Variants in CDC40 observed in about 807,000 individuals in gnomAD.
The protein encoded by CDC40 is pre-mRNA-processing factor 17.
A neutral mutation model predicts 80.6 loss-of-function variants in CDC40; 27 were observed. That is an observed-to-expected ratio of 0.33 (90% CI 0.25 to 0.46). The LOEUF (loss-of-function observed/expected upper bound fraction) is 0.46. CDC40 is among the 20% of genes least tolerant of loss of function. The pLI is 1.00. For synonymous variants in CDC40, 221 were observed against 232.6 expected (o/e 0.95, Z 0.45); for missense variants, 486 against 694.1 (o/e 0.70, Z 3.37).
At chr6:110,193,373 C>A in intron 2 of CDC40, 105 bp downstream of exon 2, 1 of 660,970 alleles carries the variant, frequency 1.5e-6, no homozygotes. Flanking sequence ...CATAAGCATA[C>A]TATTTAAGTT....
At chr6:110,197,075 C>T (rs1777427646) in intron 2 of CDC40, among the ~76,000 whole-genome samples, 1 of 152,138 alleles carries the variant, frequency 6.6e-6, no homozygotes, top group Non-Finnish European at 1.5e-5. Context: ...TGCTGACTCA[C>T]CAATACTCTA....
intron 2 of CDC40, among the ~76,000 whole-genome samples, chr6:110,199,844 A>G (rs1159987318): frequency 6.6e-6 from 1 of 152,116 alleles, no homozygotes; most frequent in African/African-American, 2.4e-5. Flanking sequence ...CTGACCAGAA[A>G]TAGCAGATGC....
rs748040538 is a variant in CDC40, at chr6:110,228,972, A to T, written c.1558A>T (p.Met520Leu). The change falls in exon 14 of 15, where the codon ATG becomes TTG. Residue 520 changes from methionine (M) to leucine (L), a missense_variant. This residue lies in a region of CDC40 where 88 missense variants were observed against 138.7 expected (regional missense o/e 0.63). Transcript: ENST00000307731. ...TTGTCAGGTGGACTTTTCACCAGAC[A>T]TGAGGTAAGTTTAAATCTTCTAATC... ...YACQVDFSPD[M>L]SYVISGDGNG... The T allele has an allele frequency of 1.9e-6, 3 of 1,600,320 alleles. No homozygotes were observed. The African/African-American group carries it at 4.1e-5, about 22-fold the overall frequency.
chr6:110,192,194 A>C (rs1207975695), intron 1 of CDC40, among the ~76,000 whole-genome samples: 1 of 152,210 alleles, frequency 6.6e-6, no homozygotes, highest in Non-Finnish European at 1.5e-5. Flanking sequence ...GTAGGTGGTC[A>C]GGGACAGAAA....
In CDC40 at chr6:110,180,440, C is replaced by T. The variant is rs1225770090; in HGVS notation, c.-5C>T. 4 of 1,613,994 alleles carry T rather than the reference C, an allele frequency of 2.5e-6. No individual in the cohort carries two copies. Among genetic ancestry groups the T allele is most frequent in the Non-Finnish European group, 3.4e-6 (4 of 1,179,980 alleles). ...CAGGGTCTCCGCAGAAGATTTGTTGCCGTCATGTCGGCTGCGATTGCAGCT... is the reference window on the plus strand; with the variant it reads ...CAGGGTCTCCGCAGAAGATTTGTTGTCGTCATGTCGGCTGCGATTGCAGCT... On this transcript the variant is annotated 5_prime_UTR_variant, in exon 1 of 15. Transcript: ENST00000307731.
At chr6:110,180,897 G>T (rs1421909010) in intron 1 of CDC40, among the ~76,000 whole-genome samples, 1 of 152,210 alleles carries the variant, frequency 6.6e-6, no homozygotes, top group Admixed American at 6.5e-5. Context: ...GTGGATTAGG[G>T]ACATAGCCTG....
At chr6:110,180,775 A>G in intron 1 of CDC40, 142 bp downstream of exon 1, 2 of 640,548 alleles carry the variant, frequency 3.1e-6, no homozygotes, top group Non-Finnish European at 5.4e-6. Context: ...TCCTTCCCAC[A>G]TGCATCCTCG....
chr6:110,217,351 C>CAA (rs749243958), intron 9 of CDC40, among the ~76,000 whole-genome samples: 4 of 152,196 alleles, frequency 2.6e-5, no homozygotes, highest in Non-Finnish European at 4.4e-5. Context: ...TGGTCTTTTA[C>CAA]ATTTCCATAA....
chr6:110,216,327 G>A (rs1471505202), intron 9 of CDC40, among the ~76,000 whole-genome samples: 1 of 152,134 alleles, frequency 6.6e-6, no homozygotes, highest in African/African-American at 2.4e-5. Context: ...GACTCGTAGT[G>A]GCTCTGTTTT....
intron 1 of CDC40, among the ~76,000 whole-genome samples, chr6:110,190,747 GA>G (rs1233413915): frequency 1.3e-5 from 2 of 152,144 alleles, no homozygotes; most frequent in African/African-American, 4.8e-5. Context: ...AGGGTCCTGG[GA>G]AGGGGTGGGA....
chr6:110,186,877 T>C (rs908705442), intron 1 of CDC40, among the ~76,000 whole-genome samples: 4 of 152,222 alleles, frequency 2.6e-5, no homozygotes, highest in African/African-American at 9.6e-5. Context: ...TGTCAGTTCT[T>C]ATCACTTCAC....
intron 1 of CDC40, among the ~76,000 whole-genome samples, chr6:110,182,991 TC>T (rs752690251): frequency 1.0e-3 from 154 of 152,320 alleles, no homozygotes; most frequent in Middle Eastern, 3.4e-3. Context: ...CCTGCTATTC[TC>T]CCATGCTGAA....
At chr6:110,195,578 T>G (rs971335216) in intron 2 of CDC40, among the ~76,000 whole-genome samples, 2 of 152,156 alleles carry the variant, frequency 1.3e-5, no homozygotes, top group Non-Finnish European at 2.9e-5. Flanking sequence ...TCTTATTGAG[T>G]TATAAAGATA....
intron 12 of CDC40, among the ~76,000 whole-genome samples, chr6:110,222,849 T>TTTA (rs1777795872): frequency 6.6e-6 from 1 of 152,200 alleles, no homozygotes; most frequent in Non-Finnish European, 1.5e-5. Flanking sequence ...TCATTATTGG[T>TTTA]GTAATTATCA....
chr6:110,231,440 C>G lies in CDC40; in HGVS notation c.*1309C>G, dbSNP rs1484440341. 6.6e-6 allele frequency: 1 copy of G among 152,206 alleles called. No individual in the cohort carries two copies. Among genetic ancestry groups the G allele is most frequent in the African/African-American group, 2.4e-5 (1 of 41,432 alleles). 9.4% of individuals were successfully genotyped at this position (152,206 alleles called of 1,614,324 possible). A position where few individuals can be genotyped will look rare whatever the true frequency, so the allele number is the denominator to read the frequency against. Reference sequence around the variant, plus strand: ...TGCTTGAACCCAGGAGTGGAGGTTGCAGTGAGCTGAGATCATGCCACTGCA... The same window carrying G: ...TGCTTGAACCCAGGAGTGGAGGTTGGAGTGAGCTGAGATCATGCCACTGCA... On this transcript the variant is annotated 3_prime_UTR_variant, in exon 15 of 15. Coordinates refer to ENST00000307731, the MANE Select transcript of CDC40 (RefSeq NM_015891.3).
intron 1 of CDC40, among the ~76,000 whole-genome samples, chr6:110,184,652 C>A (rs1418138688): frequency 6.6e-6 from 1 of 151,114 alleles, no homozygotes; most frequent in South Asian, 2.1e-4. Context: ...TGCTTACTAC[C>A]GCCTCCAGGA....
At chr6:110,183,850 T>C (rs1266398642) in intron 1 of CDC40, among the ~76,000 whole-genome samples, 1 of 152,214 alleles carries the variant, frequency 6.6e-6, no homozygotes, top group African/African-American at 2.4e-5. Flanking sequence ...TTTTTTTCTT[T>C]GGAAGCAACT....
Position 110,212,248 on chromosome 6 carries a change from T to C in CDC40, c.843T>C (p.Ile281=), listed in dbSNP as rs1244359207. ...AGTGTTATCTTCCCAAAAAACAAAT[T>C]CATGTGTGGTCTGGACACACAAAGG... is the stretch of plus-strand genomic sequence containing the variant. The part of the protein sequence containing the change: ...PEKCYLPKKQ[I]HVWSGHTKGV... The change falls in exon 7 of 15, where the codon ATT becomes ATC. Residue 281 remains isoleucine, a synonymous_variant. Coordinates refer to ENST00000307731, the MANE Select transcript of CDC40 (RefSeq NM_015891.3). 14 of 1,613,976 alleles carry C rather than the reference T, an allele frequency of 8.7e-6. No individual in the cohort carries two copies. The highest frequency in any genetic ancestry group is 1.2e-5 in the Non-Finnish European group (14 of 1,179,994).
intron 3 of CDC40, among the ~76,000 whole-genome samples, chr6:110,203,957 C>T (rs977448517): frequency 1.6e-4 from 24 of 152,180 alleles, no homozygotes. Context: ...TACTTTTAGT[C>T]TCACAATAAT....
Sources: allele counts gnomAD v4.1 joint callset (sites outside exome capture counted in the v4.1 genomes callset), GRCh38; gene constraint gnomAD v4.1.1; regional missense constraint gnomAD v4.1.1; transcripts MANE v1.5; gene names NCBI Gene and HGNC (gene_info 2026-07-23, HGNC 2026-07-21).